The following ABAT variants were observed in gnomAD, a reference collection of about 807,000 sequenced individuals.
The protein encoded by ABAT is 4-aminobutyrate aminotransferase, mitochondrial.
ABAT carries 45 observed loss-of-function variants against 64.6 expected under a neutral mutation model. That is an observed-to-expected ratio of 0.70 (90% CI 0.55 to 0.89). The LOEUF (loss-of-function observed/expected upper bound fraction) is 0.89. ABAT is among the 40% of genes least tolerant of loss of function. ABAT has a pLI of 0.00. For missense variants in ABAT, 633 were observed against 658.4 expected (o/e 0.96, Z 0.42); for synonymous variants, 297 against 250.5 (o/e 1.19, Z -1.75).
chr16:8,781,910 G>A lies in ABAT; in HGVS notation c.*480G>A, dbSNP rs946460083. 1.2e-4 allele frequency: 36 copies of A among 310,210 alleles called. No homozygotes were observed. The highest frequency in any genetic ancestry group is 2.2e-4 in the Admixed American group (5 of 22,736). 19.2% of individuals were successfully genotyped at this position (310,210 alleles called of 1,614,324 possible). ...CTCTCACCTCCTCTCCCAGCCTCCC[G>A]GAGCTCTGAGCACGCCCCACGCATG... is the stretch of plus-strand genomic sequence containing the variant. On this transcript the variant is annotated 3_prime_UTR_variant, in exon 16 of 16. Transcript: ENST00000268251. This position sits in a 1 kb window ranked among gnomAD's most constrained non-coding sequence, Gnocchi z 4.5.
intron 1 of ABAT, among the ~76,000 whole-genome samples, chr16:8,708,340 G>C (rs114919855): frequency 6.6e-6 from 1 of 151,986 alleles, no homozygotes; most frequent in Non-Finnish European, 1.5e-5. Flanking sequence ...TCAAACTCCC[G>C]GGTTCAAAGG....
At chr16:8,724,795 C>T (rs1249878765) in intron 1 of ABAT, among the ~76,000 whole-genome samples, 1 of 146,012 alleles carries the variant, frequency 6.8e-6, no homozygotes, top group Non-Finnish European at 1.5e-5. Context: ...GGTCACACAG[C>T]CTGTAGCAGG....
At chr16:8,736,717 A>G (rs1414937371) in intron 2 of ABAT, 3 of 152,096 alleles carry the variant, frequency 2.0e-5, no homozygotes, top group African/African-American at 7.2e-5. Flanking sequence ...CCCATGAGGG[A>G]GGGAGGCTCA....
At chr16:8,675,437 C>T (rs910694521) in intron 1 of ABAT, among the ~76,000 whole-genome samples, 8 of 152,032 alleles carry the variant, frequency 5.3e-5, no homozygotes, top group African/African-American at 1.9e-4. Flanking sequence ...AAGTCATCCA[C>T]CTCCCTCCAC....
intron 8 of ABAT, chr16:8,765,947 C>A: frequency 2.4e-6 from 1 of 422,704 alleles, no homozygotes; most frequent in East Asian, 5.1e-5. Context: ...GCAAAACATG[C>A]AACGCTCTCA....
chr16:8,756,039 ACTCT>A (rs1428932461), intron 5 of ABAT, among the ~76,000 whole-genome samples: 1 of 146,606 alleles, frequency 6.8e-6, no homozygotes, highest in East Asian at 2.0e-4. Flanking sequence ...ACAGAGCGAG[ACTCT>A]CTCTCAAAAA....
At chr16:8,729,312 C>CAAAAACAA (rs1555487701) in intron 1 of ABAT, among the ~76,000 whole-genome samples, 1 of 125,600 alleles carries the variant, frequency 8.0e-6, no homozygotes, top group Non-Finnish European at 1.7e-5. Flanking sequence ...TCAACAAAAA[C>CAAAAACAA]AAAAACAGCT....
chr16:8,740,610 T>G (rs1012542005), intron 2 of ABAT, among the ~76,000 whole-genome samples: 50 of 152,322 alleles, frequency 3.3e-4, no homozygotes, highest in African/African-American at 7.7e-4. Context: ...ATTTTCCTGC[T>G]TCTCCATGGT....
In ABAT at chr16:8,776,299, G is replaced by T; in HGVS notation, c.1123-45G>T. 4 of 1,613,688 alleles carry T rather than the reference G, an allele frequency of 2.5e-6. No homozygotes were observed. Among genetic ancestry groups the T allele is most frequent in the Non-Finnish European group, 3.4e-6 (4 of 1,179,978 alleles). ...GCCTGGGGTAAGTGACTCCTGCAGG[G>T]TGTGCATGTGTGTGAAGCCTTCCAA... is the stretch of plus-strand genomic sequence containing the variant. On this transcript the variant is annotated intron_variant, in intron 13 of 15. Transcript: ENST00000268251. The surrounding 1 kb of genome is among the most constrained non-coding windows in gnomAD (Gnocchi z 4.4).
intron 9 of ABAT, among the ~76,000 whole-genome samples, chr16:8,767,445 G>T (rs72770161): frequency 6.6e-6 from 1 of 152,268 alleles, no homozygotes; most frequent in African/African-American, 2.4e-5. Context: ...CACCTGACCC[G>T]CCTGACACCT....
At chr16:8,758,849 G>A (rs1373537429) in intron 6 of ABAT, among the ~76,000 whole-genome samples, 1 of 152,180 alleles carries the variant, frequency 6.6e-6, no homozygotes, top group African/African-American at 2.4e-5. Context: ...TGTAATCCCA[G>A]CACTTTGGGA....
chr16:8,776,351 G>A lies in ABAT; in HGVS notation c.1130G>A (p.Arg377Gln), dbSNP rs370489933. The change falls in exon 14 of 16, where the codon CGG (arginine) becomes CAG (glutamine). Residue 377 changes from arginine (R) to glutamine (Q), a missense_variant. Physicochemically the swap from Arg to Gln is conservative, Grantham distance 43 (BLOSUM62 1). Coordinates refer to ENST00000268251, the MANE Select transcript of ABAT (RefSeq NM_020686.6). The surrounding 1 kb of genome is among the most constrained non-coding windows in gnomAD (Gnocchi z 4.4). ...KEEFRPNAPYRIFNTWLGDPS... is the reference protein window; with the variant it reads ...KEEFRPNAPYQIFNTWLGDPS... ...ACCCGTTCCTCATTCCAGCCCTACC[G>A]GATCTTCAACACCTGGCTGGGGGAC... 12 of 1,614,168 alleles carry A rather than the reference G, an allele frequency of 7.4e-6. No individual in the cohort carries two copies. The highest frequency in any genetic ancestry group is 2.2e-5 in the East Asian group (1 of 44,888).
At chr16:8,752,892 GCACTTGGCATATTGCCA>G (rs1190985401) in intron 5 of ABAT, among the ~76,000 whole-genome samples, 10 of 152,100 alleles carry the variant, frequency 6.6e-5, no homozygotes, top group African/African-American at 2.4e-4. Context: ...AATTTACTAT[GCACTTGGCATATTGCCA>G]AGTGCCTTAT....
At chr16:8,722,914 G>A in intron 1 of ABAT, 1 of 1,261,072 alleles carries the variant, frequency 7.9e-7, no homozygotes, top group Non-Finnish European at 1.0e-6. Flanking sequence ...CGCTTGTCAG[G>A]TGTTTCTTAG....
chr16:8,712,890 C>T (rs758481756), intron 1 of ABAT: 1 of 152,292 alleles, frequency 6.6e-6, no homozygotes, highest in Non-Finnish European at 1.5e-5. Context: ...GCCTCCACCC[C>T]CTTGCCGTCG....
intron 1 of ABAT, among the ~76,000 whole-genome samples, chr16:8,704,931 C>T (rs1180266706): frequency 6.6e-6 from 1 of 152,146 alleles, no homozygotes. Context: ...AGCAATCCTC[C>T]CACCTCGGCC....
rs2059900654 is a variant in ABAT at position 8,764,911 on chromosome 16, C to T, written c.540+81C>T. 7.9e-7 allele frequency: 1 copy of T among 1,262,082 alleles called. No individual in the cohort carries two copies. Among genetic ancestry groups the T allele is most frequent in the Middle Eastern group, 1.8e-4 (1 of 5,432 alleles). 78.2% of individuals were successfully genotyped at this position (1,262,082 alleles called of 1,614,324 possible). A position where few individuals can be genotyped will look rare whatever the true frequency, so the allele number is the denominator to read the frequency against. On this transcript the variant is annotated intron_variant, in intron 8 of 15. Transcript: ENST00000268251. The surrounding 1 kb of genome is among the most constrained non-coding windows in gnomAD (Gnocchi z 4.2). Reference sequence around the variant, plus strand: ...CACGCTCACCCCTTGTCTGACTGTTCATTCCAATGGGCTGGAGTATTAGAC... The same window carrying T: ...CACGCTCACCCCTTGTCTGACTGTTTATTCCAATGGGCTGGAGTATTAGAC...
Position 8,676,641 on chromosome 16 carries a change from C to G in ABAT, c.-42+1930C>G, listed in dbSNP as rs2057209285. The stretch of plus-strand genomic sequence containing the variant: ...AGGCTTGCCAAAATCCAAACTGACC[C>G]AGGATAGCTAATAAGATCAGTTGCA... On this transcript the variant is annotated intron_variant, in intron 1 of 15. Transcript: ENST00000268251. Among the ~76,000 whole-genome samples, 4 of 152,302 alleles carry G rather than the reference C, an allele frequency of 2.6e-5. No homozygotes were observed. In the South Asian group the frequency reaches 8.3e-4, roughly 32 times the overall value.
intron 3 of ABAT, 71 bp downstream of exon 3, chr16:8,746,169 C>A: frequency 1.8e-6 from 2 of 1,105,902 alleles, no homozygotes; most frequent in Non-Finnish European, 2.7e-6. Context: ...AAAGCACAGC[C>A]AAGCTTAGGG....
Sources: gnomAD v4.1 joint callset for allele counts (sites outside exome capture counted in the v4.1 genomes callset) on GRCh38, gnomAD v4.1.1 for gene constraint, Gnocchi (gnomAD v3.1) non-coding constraint, MANE v1.5 for transcripts, NCBI Gene and HGNC (gene_info 2026-07-23, HGNC 2026-07-21) for gene names.